PSD2: variants seen among roughly 807,000 people sequenced by gnomAD.
The protein encoded by PSD2 is pleckstrin and Sec7 domain containing 2.
Under a neutral mutation model 69.8 loss-of-function variants are expected in PSD2, and 38 were observed. The ratio of observed to expected loss-of-function variants is 0.54; its 90% CI spans 0.42 to 0.71. The LOEUF (loss-of-function observed/expected upper bound fraction) is 0.71. Ranked by LOEUF, PSD2 falls within the 30% of genes least tolerant of loss-of-function variation. The pLI is 0.00. For synonymous variants in PSD2, 412 were observed against 423.0 expected, an observed-to-expected ratio of 0.97 and a Z score of 0.32; for missense variants, 943 against 1,014.5, an observed-to-expected ratio of 0.93 and a Z score of 0.96.
At chr5:139,745,379 C>G in the PSD2 span, 1 of 152,602 alleles carries the variant, frequency 6.6e-6, no homozygotes, top group Non-Finnish European at 1.5e-5. Flanking sequence ...ACTCAGGCCC[C>G]CCTACCACCA....
chr5:139,820,525 T>G (rs150615097), intron 5 of PSD2, among the ~76,000 whole-genome samples: 1 of 152,224 alleles, frequency 6.6e-6, no homozygotes, highest in Non-Finnish European at 1.5e-5. Context: ...AGTCATGGCT[T>G]GCAGGTCCCA....
At chr5:139,752,960 C>T in the PSD2 span, among the ~76,000 whole-genome samples, 1 of 151,452 alleles carries the variant, frequency 6.6e-6, no homozygotes, top group East Asian at 2.0e-4. Context: ...CATAAAGCAT[C>T]ACATGCACAG....
the PSD2 span, among the ~76,000 whole-genome samples, chr5:139,751,457 A>T: frequency 6.6e-6 from 1 of 152,130 alleles, no homozygotes; most frequent in East Asian, 1.9e-4. Flanking sequence ...ACATACTCAC[A>T]CAGACTCTCC....
At chr5:139,795,710 C>T (rs1167026139), upstream of PSD2, 1 of 151,648 alleles carries the variant, frequency 6.6e-6, no homozygotes, top group Non-Finnish European at 1.5e-5. The surrounding 1 kb of genome is among the most constrained non-coding windows in gnomAD (Gnocchi z 4.5). Context: ...GGCTCCGCGC[C>T]CGCCGCTCGC....
intron 2 of PSD2, 119 bp downstream of exon 2, chr5:139,809,930 T>C: frequency 9.0e-7 from 1 of 1,105,916 alleles, no homozygotes; most frequent in Admixed American, 2.5e-5. Context: ...AATGGGGATT[T>C]CATATCCCTC....
At chr5:139,812,847 C>T (rs889899286) in intron 2 of PSD2, among the ~76,000 whole-genome samples, 2 of 152,252 alleles carry the variant, frequency 1.3e-5, no homozygotes, top group East Asian at 1.9e-4. Context: ...GGCTGGGGGA[C>T]GAGGCCTTAC....
the PSD2 span, among the ~76,000 whole-genome samples, chr5:139,790,758 C>A: frequency 1.3e-5 from 2 of 152,034 alleles, no homozygotes; most frequent in Non-Finnish European, 1.5e-5. Context: ...AAATGGTGGC[C>A]ATGGCCGGGT....
chr5:139,786,487 T>G, the PSD2 span, among the ~76,000 whole-genome samples: 4 of 152,324 alleles, frequency 2.6e-5, no homozygotes, highest in South Asian at 2.1e-4. Flanking sequence ...GTCATGGACA[T>G]TAGAGCTGTT....
In PSD2 at chr5:139,842,278, G is replaced by T; in HGVS notation, c.2120G>T (p.Arg707Leu). 6.2e-7 allele frequency: 1 copy of T among 1,614,026 alleles called. No individual in the cohort carries two copies. Among genetic ancestry groups the T allele is most frequent in the Admixed American group, 1.7e-5 (1 of 60,020 alleles). The change falls in exon 15 of 15, where the codon CGT (arginine) becomes CTT (leucine). Residue 707 changes from arginine (R) to leucine (L), a missense_variant. Around this residue, in one of 3 missense-constraint regions of PSD2, gnomAD observed 165 missense variants for 168.8 expected, o/e 0.98. Transcript: ENST00000274710. ...TGTTTGGCCTTTCCCCAGAAAAGCC[G>T]TTATGAGACCTATATCCACCTCCTG... The part of the protein sequence containing the change: ...KEHYLTFEKS[R>L]YETYIHLLAM...
At chr5:139,779,133 A>AT in the PSD2 span, among the ~76,000 whole-genome samples, 985 of 151,704 alleles carry the variant, frequency 6.5e-3, 13 homozygotes, top group African/African-American at 0.023. Flanking sequence ...TTATTTATTA[A>AT]TTTTTTTTAT....
the PSD2 span, among the ~76,000 whole-genome samples, chr5:139,763,448 C>T: frequency 2.0e-5 from 3 of 152,286 alleles, no homozygotes; most frequent in Admixed American, 2.0e-4. Context: ...GGATCTTTGC[C>T]GGGGAAGGCA....
At chr5:139,772,314 A>G in the PSD2 span, among the ~76,000 whole-genome samples, 1 of 151,972 alleles carries the variant, frequency 6.6e-6, no homozygotes, top group Non-Finnish European at 1.5e-5. Flanking sequence ...GTGGCTAATG[A>G]CTATACCTGC....
the PSD2 span, among the ~76,000 whole-genome samples, chr5:139,752,356 G>A: frequency 6.6e-6 from 1 of 152,088 alleles, no homozygotes; most frequent in Non-Finnish European, 1.5e-5. Context: ...ATCCAGCCCA[G>A]CTCAACTCAT....
chr5:139,814,077 G>A lies in PSD2; in HGVS notation c.822-93G>A. 2 of 1,228,128 alleles carry A rather than the reference G, an allele frequency of 1.6e-6. No individual in the cohort carries two copies. The highest frequency in any genetic ancestry group is 1.5e-5 in the African/African-American group (1 of 65,478). The allele number at this position is 1,228,128 out of a possible 1,614,324, so 76.1% of individuals were successfully genotyped here. On this transcript the variant is annotated intron_variant, in intron 3 of 14. Coordinates refer to ENST00000274710, the MANE Select transcript of PSD2 (RefSeq NM_032289.4). This position sits in a 1 kb window ranked among gnomAD's most constrained non-coding sequence, Gnocchi z 4.4. ...CTTTCCCTGTTCTGGCCCCTACATG[G>A]TTTGCAGTGGCCTGGGGAAACCTCC...
chr5:139,809,345 C>T (rs1759890566), intron 1 of PSD2, 46 bp from the exon 2 acceptor site: 3 of 1,451,664 alleles, frequency 2.1e-6, no homozygotes, highest in South Asian at 2.6e-5. Flanking sequence ...TGCCCCCCAG[C>T]CCCAGTCCTG....
intron 6 of PSD2, among the ~76,000 whole-genome samples, chr5:139,822,431 G>C (rs1463201822): frequency 6.6e-6 from 1 of 152,228 alleles, no homozygotes; most frequent in Non-Finnish European, 1.5e-5. Context: ...GCAGGGGCAG[G>C]GCTGGGAGCT....
chr5:139,749,756 G>A, the PSD2 span, among the ~76,000 whole-genome samples: 1 of 152,168 alleles, frequency 6.6e-6, no homozygotes, highest in Non-Finnish European at 1.5e-5. Context: ...AACACTTTGG[G>A]AGGCCGAGGT....
At chr5:139,797,766 CA>C (rs1267604127) in intron 1 of PSD2, among the ~76,000 whole-genome samples, 1 of 152,174 alleles carries the variant, frequency 6.6e-6, no homozygotes, top group Non-Finnish European at 1.5e-5. Context: ...GCTGTTTGTT[CA>C]AAGTCTCCTG....
Position 139,844,083 on chromosome 5 carries a change from T to G in PSD2, c.*1609T>G, listed in dbSNP as rs1760941698. On this transcript the variant is annotated 3_prime_UTR_variant, in exon 15 of 15. Coordinates refer to ENST00000274710, the MANE Select transcript of PSD2 (RefSeq NM_032289.4). ...ACCCAAACCATCTGGCCCCTTCGTT[T>G]TGCTCAGAGGAAGTAAATGTTCACT... The G allele has an allele frequency of 6.6e-6, 1 of 152,234 alleles. No individual in the cohort carries two copies. Among genetic ancestry groups the G allele is most frequent in the African/African-American group, 2.4e-5 (1 of 41,466 alleles). The allele number at this position is 152,234 out of a possible 1,614,324, so 9.4% of individuals were successfully genotyped here. A position where few individuals can be genotyped will look rare whatever the true frequency, so the allele number is the denominator to read the frequency against.
Sources: gnomAD v4.1 joint callset for allele counts (sites outside exome capture counted in the v4.1 genomes callset) on GRCh38, gnomAD v4.1.1 for gene constraint, gnomAD v4.1.1 regional missense constraint, Gnocchi (gnomAD v3.1) non-coding constraint, MANE v1.5 for transcripts, NCBI Gene and HGNC (gene_info 2026-07-23, HGNC 2026-07-21) for gene names.